GALNT13: variants seen among roughly 807,000 people sequenced by gnomAD.
GALNT13 encodes the protein UDP-GalNAc:polypeptide N-acetylgalactosaminyltransferase 13.
Under a neutral mutation model 64.2 loss-of-function variants are expected in GALNT13, and 28 were observed. That is an observed-to-expected ratio of 0.44 (90% CI 0.32 to 0.60). GALNT13 has a LOEUF of 0.60. Among genes scored for constraint, GALNT13 ranks in the 20% least tolerant of loss-of-function variants. GALNT13 has a pLI of 0.05. For missense variants in GALNT13, 577 were observed against 669.8 expected (o/e 0.86, Z 1.53); for synonymous variants, 214 against 224.6 (o/e 0.95, Z 0.42).
the GALNT13 span, among the ~76,000 whole-genome samples, chr2:153,402,220 GA>G: frequency 6.6e-6 from 1 of 150,994 alleles, no homozygotes; most frequent in African/African-American, 2.5e-5. Context: ...ATTCTGGGTT[GA>G]AAATTCTTTT....
the GALNT13 span, among the ~76,000 whole-genome samples, chr2:153,157,193 A>G: frequency 6.6e-6 from 1 of 152,196 alleles, no homozygotes; most frequent in Non-Finnish European, 1.5e-5. Context: ...CTTATTTTTA[A>G]TAAAAAGCCA....
intron 3 of GALNT13, among the ~76,000 whole-genome samples, chr2:154,080,555 C>G (rs1701221225): frequency 6.6e-6 from 1 of 151,514 alleles, no homozygotes; most frequent in South Asian, 2.1e-4. Flanking sequence ...AACATTATTT[C>G]TCTCAAACAA....
chr2:154,323,523 G>T (rs1559090478), intron 9 of GALNT13, among the ~76,000 whole-genome samples: 1 of 152,046 alleles, frequency 6.6e-6, no homozygotes, highest in East Asian at 1.9e-4. Flanking sequence ...AATGTGTATT[G>T]TTTGGGGTTG....
At chr2:153,868,890 A>G (rs1440241049), upstream of GALNT13, among the ~76,000 whole-genome samples, 1 of 152,212 alleles carries the variant, frequency 6.6e-6, no homozygotes, top group Non-Finnish European at 1.5e-5. Context: ...AAAAAATATG[A>G]CTTTTTAATA....
At chr2:154,390,501 T>G (rs960013377) in intron 9 of GALNT13, among the ~76,000 whole-genome samples, 1 of 152,182 alleles carries the variant, frequency 6.6e-6, no homozygotes, top group Non-Finnish European at 1.5e-5. Context: ...GTTCCTGTAT[T>G]AGTTTGCTAA....
At chr2:154,329,072 AG>A (rs749333924) in intron 9 of GALNT13, among the ~76,000 whole-genome samples, 1 of 152,004 alleles carries the variant, frequency 6.6e-6, no homozygotes, top group Non-Finnish European at 1.5e-5. Flanking sequence ...AGATGTTGAA[AG>A]TGTTTTTACC....
the GALNT13 span, among the ~76,000 whole-genome samples, chr2:153,642,614 T>C: frequency 6.6e-6 from 1 of 151,756 alleles, no homozygotes; most frequent in Non-Finnish European, 1.5e-5. Flanking sequence ...TTGTGAAAAA[T>C]ACAAATTTTG....
chr2:154,155,301 A>G (rs560512363), intron 4 of GALNT13, among the ~76,000 whole-genome samples: 1 of 152,224 alleles, frequency 6.6e-6, no homozygotes, highest in East Asian at 1.9e-4. Flanking sequence ...CTTTGTGGTT[A>G]AAATGTGTAT....
chr2:153,277,212 C>G, the GALNT13 span, among the ~76,000 whole-genome samples: 1 of 152,186 alleles, frequency 6.6e-6, no homozygotes, highest in African/African-American at 2.4e-5. Context: ...TTCCTATATC[C>G]CCGCTCTAGT....
chr2:154,444,014 A>T (rs799825), intron 12 of GALNT13, among the ~76,000 whole-genome samples: 2 of 151,882 alleles, frequency 1.3e-5, no homozygotes, highest in African/African-American at 4.8e-5. Flanking sequence ...AGTAAGTTGC[A>T]TGTCAGCCTG....
At chr2:153,072,512 G>A in the GALNT13 span, among the ~76,000 whole-genome samples, 2 of 152,240 alleles carry the variant, frequency 1.3e-5, no homozygotes, top group South Asian at 2.1e-4. Flanking sequence ...ATAGGGAAGC[G>A]GTACTTCTCC....
chr2:153,869,735 A>G (rs903395313), upstream of GALNT13, among the ~76,000 whole-genome samples: 4 of 152,194 alleles, frequency 2.6e-5, no homozygotes, highest in Non-Finnish European at 2.9e-5. Flanking sequence ...AGTATATTAT[A>G]AAAACAGCCT....
chr2:153,419,863 A>G, the GALNT13 span, among the ~76,000 whole-genome samples: 3 of 152,212 alleles, frequency 2.0e-5, no homozygotes, highest in African/African-American at 7.2e-5. Context: ...AAATACACCT[A>G]AAGTAAATTG....
chr2:154,333,092 C>A (rs1695253372), intron 9 of GALNT13, among the ~76,000 whole-genome samples: 2 of 152,006 alleles, frequency 1.3e-5, no homozygotes, highest in South Asian at 4.1e-4. Context: ...GCCTACCTTC[C>A]CCCCAATTAA....
At chr2:153,587,091 A>G in the GALNT13 span, among the ~76,000 whole-genome samples, 2 of 152,030 alleles carry the variant, frequency 1.3e-5, no homozygotes, top group Middle Eastern at 3.4e-3. Flanking sequence ...AAAATTAGCT[A>G]GGTGTAGTGG....
chr2:153,774,237 C>T, the GALNT13 span, among the ~76,000 whole-genome samples: 1 of 151,746 alleles, frequency 6.6e-6, no homozygotes, highest in Non-Finnish European at 1.5e-5. Flanking sequence ...TAAATATTAT[C>T]TTGAAAAACT....
the GALNT13 span, among the ~76,000 whole-genome samples, chr2:153,144,487 C>T: frequency 6.6e-6 from 1 of 151,900 alleles, no homozygotes; most frequent in East Asian, 1.9e-4. Context: ...AGTGGCTCCT[C>T]TGATTCTGTA....
At chr2:154,217,000 C>T (rs980629849) in intron 4 of GALNT13, among the ~76,000 whole-genome samples, 1 of 150,984 alleles carries the variant, frequency 6.6e-6, no homozygotes, top group Non-Finnish European at 1.5e-5. Context: ...GCTGTGTTGC[C>T]CAGGCTTGTC....
chr2:153,124,176 G>A, the GALNT13 span, among the ~76,000 whole-genome samples: 2 of 152,134 alleles, frequency 1.3e-5, no homozygotes, highest in African/African-American at 2.4e-5. Context: ...AACCCTGTTA[G>A]GATTTAGTGT....
Sources: gnomAD v4.1 joint callset for allele counts (sites outside exome capture counted in the v4.1 genomes callset) on GRCh38, gnomAD v4.1.1 for gene constraint, MANE v1.5 for transcripts, NCBI Gene and HGNC (gene_info 2026-07-23, HGNC 2026-07-21) for gene names.